The following NFIA variants were observed in gnomAD, a reference collection of about 807,000 sequenced individuals.
NFIA encodes the protein nuclear factor 1 A-type.
NFIA carries 8 observed loss-of-function variants against 62.8 expected under a neutral mutation model. The ratio of observed to expected loss-of-function variants is 0.13; its 90% CI spans 0.07 to 0.23. NFIA has a LOEUF of 0.23. Among genes scored for constraint, NFIA ranks in the 10% least tolerant of loss-of-function variants. The pLI is 1.00. For missense variants in NFIA, 410 were observed against 642.1 expected (o/e 0.64, Z 3.91); for synonymous variants, 235 against 238.1 (o/e 0.99, Z 0.12).
At chr1:61,439,160 C>T (rs1490280636) in intron 10 of NFIA, among the ~76,000 whole-genome samples, 2 of 152,014 alleles carry the variant, frequency 1.3e-5, no homozygotes, top group Admixed American at 6.6e-5. Flanking sequence ...GAGTGCACCC[C>T]CAAGCCCCCA....
At position 61,387,468 on chromosome 1, in the gene NFIA, C is replaced by CTTTTTTT. The variant is rs33965994; in HGVS notation, c.1075+4120_1075+4126dup. Among the ~76,000 whole-genome samples, 51 of 95,448 alleles carry CTTTTTTT rather than the reference C, an allele frequency of 5.3e-4. 1 individual carries two copies. Among genetic ancestry groups the CTTTTTTT allele is most frequent in the African/African-American group, 1.9e-3 (46 of 24,284 alleles). The allele number at this position is 95,448 out of a possible 152,430, so 62.6% of individuals were successfully genotyped here. A position where few individuals can be genotyped will look rare whatever the true frequency, so the allele number is the denominator to read the frequency against. On this transcript the variant is annotated intron_variant, in intron 7 of 10. Transcript: ENST00000403491. The stretch of plus-strand genomic sequence containing the variant: ...TCCCCCAGATCAGCTCAAGCACTTT[C>CTTTTTTT]TTTTTTTTTTTTTTTTTTTTTTTGA...
intron 2 of NFIA, among the ~76,000 whole-genome samples, chr1:61,228,274 A>G (rs1384350405): frequency 6.6e-6 from 1 of 152,158 alleles, no homozygotes. Flanking sequence ...TTCGAATTGT[A>G]GCATTTTGGC....
chr1:61,236,234 A>G (rs1398417184), intron 2 of NFIA, among the ~76,000 whole-genome samples: 1 of 152,094 alleles, frequency 6.6e-6, no homozygotes, highest in Non-Finnish European at 1.5e-5. Context: ...GGGAACAGCC[A>G]TCCTATTTAG....
chr1:61,255,494 A>G (rs1656325884), intron 2 of NFIA, among the ~76,000 whole-genome samples: 1 of 152,222 alleles, frequency 6.6e-6, no homozygotes, highest in Non-Finnish European at 1.5e-5. Context: ...CCGAATTTAG[A>G]AAGAGGAAAC....
chr1:61,078,129 A>G (rs1376992932), upstream of NFIA, among the ~76,000 whole-genome samples: 2 of 152,130 alleles, frequency 1.3e-5, no homozygotes, highest in Admixed American at 6.5e-5. Context: ...ATAGTTCTCA[A>G]TAGCCAGAGG....
Position 61,288,795 on chromosome 1 carries a change from C to T in NFIA, c.625+11210C>T, listed in dbSNP as rs567989961. On this transcript the variant is annotated intron_variant, in intron 3 of 10. Transcript: ENST00000403491. The stretch of plus-strand genomic sequence containing the variant: ...ATTGGGTTGGAAGAATCCCAGAGCT[C>T]TCACTCCCATTGCCTAGGCTGGAGT... Among the ~76,000 whole-genome samples the T allele has an allele frequency of 2.5e-3, 380 of 152,246 alleles. 1 individual carries two copies. The highest frequency in any genetic ancestry group is 8.2e-3 in the African/African-American group (341 of 41,546).
intron 2 of NFIA, among the ~76,000 whole-genome samples, chr1:61,167,625 ATCTC>A (rs1649673952): frequency 6.6e-6 from 1 of 152,176 alleles, no homozygotes; most frequent in Non-Finnish European, 1.5e-5. Context: ...TTAAAAATCA[ATCTC>A]TCACATACTC....
At chr1:61,151,532 A>T (rs1261346399) in intron 2 of NFIA, among the ~76,000 whole-genome samples, 1 of 152,132 alleles carries the variant, frequency 6.6e-6, no homozygotes, top group Non-Finnish European at 1.5e-5. Flanking sequence ...AAGGGAGAAG[A>T]AATCAGGGAA....
At chr1:61,168,993 T>C (rs1649767304) in intron 2 of NFIA, among the ~76,000 whole-genome samples, 1 of 152,172 alleles carries the variant, frequency 6.6e-6, no homozygotes, top group South Asian at 2.1e-4. Flanking sequence ...AACAAACCTG[T>C]GAAACTTCTG....
chr1:61,387,475 T>C (rs1238037560), intron 7 of NFIA, among the ~76,000 whole-genome samples: 2 of 128,018 alleles, frequency 1.6e-5, no homozygotes, highest in African/African-American at 6.0e-5. Flanking sequence ...TTTCTTTTTT[T>C]TTTTTTTTTT....
intron 7 of NFIA, among the ~76,000 whole-genome samples, chr1:61,390,473 AG>A (rs1664916959): frequency 6.6e-6 from 1 of 152,178 alleles, no homozygotes; most frequent in African/African-American, 2.4e-5. Context: ...TTCTGTTTGG[AG>A]AGGTAGTCAG....
chr1:61,423,609 T>A (rs1048024014), intron 9 of NFIA, among the ~76,000 whole-genome samples: 3 of 152,216 alleles, frequency 2.0e-5, no homozygotes, highest in African/African-American at 7.2e-5. Flanking sequence ...ATTGCCCCTT[T>A]GCTTGATTTT....
At chr1:61,149,057 CTTTTTTTTTTT>C (rs3067418) in intron 2 of NFIA, among the ~76,000 whole-genome samples, 2 of 136,086 alleles carry the variant, frequency 1.5e-5, no homozygotes, top group Non-Finnish European at 3.2e-5. Flanking sequence ...TTCTTTCTTT[CTTTTTTTTTTT>C]TTTTTTGGAT....
chr1:61,083,521 C>T (rs1646158903), intron 1 of NFIA, among the ~76,000 whole-genome samples: 1 of 151,986 alleles, frequency 6.6e-6, no homozygotes, highest in Non-Finnish European at 1.5e-5. Flanking sequence ...TAGCCCTCGG[C>T]TGAGCGGGGC....
At chr1:61,226,475 TC>T in intron 2 of NFIA, among the ~76,000 whole-genome samples, 1 of 152,234 alleles carries the variant, frequency 6.6e-6, no homozygotes, top group South Asian at 2.1e-4. Flanking sequence ...TTGGCAGCCA[TC>T]CCTAAACTTC....
intron 2 of NFIA, among the ~76,000 whole-genome samples, chr1:61,090,136 G>A (rs1434418310): frequency 6.6e-6 from 1 of 152,066 alleles, no homozygotes; most frequent in African/African-American, 2.4e-5. Flanking sequence ...TCTTAACCCT[G>A]TTGTTGTTCA....
At chr1:61,345,464 C>G (rs991794402) in intron 4 of NFIA, among the ~76,000 whole-genome samples, 1 of 152,142 alleles carries the variant, frequency 6.6e-6, no homozygotes, top group Non-Finnish European at 1.5e-5. Context: ...TATTTAACCT[C>G]TTTGTGCCTC....
At chr1:61,367,434 G>A (rs1298713325) in intron 6 of NFIA, among the ~76,000 whole-genome samples, 3 of 152,182 alleles carry the variant, frequency 2.0e-5, no homozygotes, top group South Asian at 2.1e-4. Flanking sequence ...CCATGGGATC[G>A]ATGTCTTGGC....
intron 3 of NFIA, among the ~76,000 whole-genome samples, chr1:61,291,159 A>G (rs897754989): frequency 6.6e-6 from 1 of 152,208 alleles, no homozygotes; most frequent in African/African-American, 2.4e-5. Context: ...AGCAGGTGCT[A>G]GGAATAGCCA....
Sources: allele counts gnomAD v4.1 joint callset (sites outside exome capture counted in the v4.1 genomes callset), GRCh38; gene constraint gnomAD v4.1.1; transcripts MANE v1.5; gene names NCBI Gene and HGNC (gene_info 2026-07-23, HGNC 2026-07-21).